Variants in STOML3 observed in about 807,000 individuals in gnomAD.
STOML3 encodes stomatin like 3, also known as stomatin-like protein 3.
STOML3 carries 31 observed loss-of-function variants against 29.5 expected under a neutral mutation model. The ratio of observed to expected loss-of-function variants is 1.05; its 90% CI spans 0.79 to 1.42. The LOEUF is 1.42. Ranked by LOEUF, STOML3 falls within the 40% of genes most tolerant of loss-of-function variation. The pLI, the probability that STOML3 is intolerant of heterozygous loss-of-function variation, is 0.00. For synonymous variants in STOML3, 122 were observed against 139.8 expected, an observed-to-expected ratio of 0.87 and a Z score of 0.90; for missense variants, 380 against 363.0, an observed-to-expected ratio of 1.05 and a Z score of -0.38.
At chr13:38,975,826 G>C (rs530294585) in intron 3 of STOML3, among the ~76,000 whole-genome samples, 35 of 152,056 alleles carry the variant, frequency 2.3e-4, no homozygotes, top group African/African-American at 8.4e-4. Flanking sequence ...AACAAACAAA[G>C]AAATAAAACC....
At chr13:38,990,008 T>C (rs1868936646) in intron 1 of STOML3, among the ~76,000 whole-genome samples, 1 of 152,134 alleles carries the variant, frequency 6.6e-6, no homozygotes, top group Non-Finnish European at 1.5e-5. Context: ...GTTTTCTCAT[T>C]TGTAAAATGA....
intron 1 of STOML3, among the ~76,000 whole-genome samples, chr13:38,982,966 C>A (rs1038486189): frequency 6.6e-6 from 1 of 152,170 alleles, no homozygotes; most frequent in African/African-American, 2.4e-5. Flanking sequence ...CCCTATCTGT[C>A]TGTTACCTTA....
At chr13:38,968,783 A>C (rs1026133570) in intron 5 of STOML3, among the ~76,000 whole-genome samples, 8 of 152,168 alleles carry the variant, frequency 5.3e-5, no homozygotes, top group Non-Finnish European at 1.0e-4. Context: ...GTGGGTGTCT[A>C]TCAGCAGGAT....
chr13:38,971,946 C>CA lies in STOML3; in HGVS notation c.312+565dup, dbSNP rs1217926668. 1.2e-4 allele frequency among the ~76,000 whole-genome samples: 18 copies of CA among 151,878 alleles called. No individual in the cohort carries two copies. The South Asian group carries it at 3.3e-3, about 28-fold the overall frequency. On this transcript the variant is annotated intron_variant, in intron 4 of 6. Coordinates refer to ENST00000379631, the MANE Select transcript of STOML3 (RefSeq NM_145286.3). Reference sequence around the variant, plus strand: ...GTCTCAAAAGAAAAAAACAAACAAACAAAAAAAAGACTTACGCAAAATACA... The same window carrying CA: ...GTCTCAAAAGAAAAAAACAAACAAACAAAAAAAAAGACTTACGCAAAATACA...
intron 5 of STOML3, 88 bp from the exon 6 acceptor site, chr13:38,968,622 T>A (rs937077787): frequency 5.5e-6 from 8 of 1,454,362 alleles, no homozygotes; most frequent in Non-Finnish European, 7.4e-6. Context: ...CAAGATACAT[T>A]TTTCTTTTTT....
intron 1 of STOML3, among the ~76,000 whole-genome samples, chr13:38,978,625 G>T (rs921988904): frequency 6.6e-6 from 1 of 152,150 alleles, no homozygotes; most frequent in Non-Finnish European, 1.5e-5. Flanking sequence ...GTCTATCTCA[G>T]TTAATGCCTT....
intron 1 of STOML3, among the ~76,000 whole-genome samples, chr13:38,986,221 A>C: frequency 6.6e-6 from 1 of 151,438 alleles, no homozygotes; most frequent in East Asian, 1.9e-4. Flanking sequence ...TTTTGGTAGA[A>C]ACAAGGTTTC....
rs139889314 is a variant in STOML3 at position 38,966,937 on chromosome 13, G to A, written c.764C>T (p.Thr255Met). ...CGTAGAATTCTTCTCGGTGGCTACC[G>A]TGCTCAAGGTCTGCAGGTAGCGCAG... ...LQLRYLQTLS[T>M]VATEKNSTIV... The change falls in exon 7 of 7, where the codon ACG becomes ATG. Residue 255 changes from threonine to methionine, a missense_variant. By Grantham distance (81) the Thr-to-Met change is moderately conservative (BLOSUM62 -1). Coordinates refer to ENST00000379631, the MANE Select transcript of STOML3 (RefSeq NM_145286.3). 137 of 1,614,012 alleles carry A rather than the reference G, an allele frequency of 8.5e-5. No individual in the cohort carries two copies. The African/African-American group carries it at 1.4e-3, about 17-fold the overall frequency.
chr13:38,976,820 A>G, intron 1 of STOML3, 23 bp from the exon 2 acceptor site: 2 of 1,592,500 alleles, frequency 1.3e-6, no homozygotes, highest in Non-Finnish European at 8.6e-7. Flanking sequence ...AAGGAAGCAA[A>G]TATGTGATCA....
chr13:38,967,756 C>T (rs1290400210), intron 6 of STOML3, among the ~76,000 whole-genome samples: 1 of 152,144 alleles, frequency 6.6e-6, no homozygotes, highest in Non-Finnish European at 1.5e-5. Context: ...CATCAGCTAA[C>T]AAGTAAGTTT....
chr13:38,988,451 TTATATCATATATTTTA>T (rs1868793531), intron 1 of STOML3, among the ~76,000 whole-genome samples: 1 of 96,674 alleles, frequency 1.0e-5, no homozygotes, highest in African/African-American at 4.5e-5. Context: ...ATATTATATT[TTATATCATATATTTTA>T]TATATAATAT....
intron 1 of STOML3, among the ~76,000 whole-genome samples, chr13:38,980,350 AG>A (rs1380267728): frequency 6.6e-6 from 1 of 152,166 alleles, no homozygotes; most frequent in Non-Finnish European, 1.5e-5. Context: ...GACCACACAG[AG>A]TAACTCTTCC....
chr13:38,967,272 T>C (rs1211180386), intron 6 of STOML3, among the ~76,000 whole-genome samples: 2 of 152,144 alleles, frequency 1.3e-5, no homozygotes, highest in South Asian at 2.1e-4. Flanking sequence ...CGTAGGTCCC[T>C]AGATTTTATC....
At chr13:38,967,229 G>A (rs1880690717) in intron 6 of STOML3, among the ~76,000 whole-genome samples, 180 bp from the exon 7 acceptor site, 1 of 152,104 alleles carries the variant, frequency 6.6e-6, no homozygotes, top group South Asian at 2.1e-4. Flanking sequence ...ATTCAAGGAG[G>A]TTGCAGGAAG....
intron 1 of STOML3, among the ~76,000 whole-genome samples, chr13:38,978,605 G>C (rs1376049007): frequency 6.6e-6 from 1 of 152,006 alleles, no homozygotes; most frequent in African/African-American, 2.4e-5. Context: ...CCCTACAAAC[G>C]CCATATACTG....
chr13:38,982,696 T>G (rs1881309828), intron 1 of STOML3, among the ~76,000 whole-genome samples: 1 of 152,178 alleles, frequency 6.6e-6, no homozygotes, highest in Non-Finnish European at 1.5e-5. Context: ...GCCTTCGCTT[T>G]TTGGTTCCTA....
chr13:38,970,460 C>G, intron 4 of STOML3, 72 bp from the exon 5 acceptor site: 1 of 1,290,980 alleles, frequency 7.7e-7, no homozygotes, highest in Non-Finnish European at 1.1e-6. Flanking sequence ...ACAGCCAGCC[C>G]AAGAGCCATC....
rs1389715896 is a variant in STOML3 at position 38,970,367 on chromosome 13, T to G, written c.334A>C (p.Thr112Pro). ...PQEILTRDSV[T>P]TQVDGVVYYR... ...TAGACAACTCCATCTACCTGAGTAG[T>G]TACGGAGTCTCTGGTGAGGATCTGT... The change falls in exon 5 of 7, where the codon ACT becomes CCT. Residue 112 changes from threonine to proline, a missense_variant. Thr to Pro is a conservative substitution (Grantham distance 38, BLOSUM62 -1). Coordinates refer to ENST00000379631, the MANE Select transcript of STOML3 (RefSeq NM_145286.3). 2 of 1,614,092 alleles carry G rather than the reference T, an allele frequency of 1.2e-6. No homozygotes were observed. The highest frequency in any genetic ancestry group is 2.2e-5 in the South Asian group (2 of 91,084).
intron 6 of STOML3, among the ~76,000 whole-genome samples, chr13:38,967,614 G>A (rs925921125): frequency 2.0e-5 from 3 of 152,308 alleles, no homozygotes; most frequent in African/African-American, 7.2e-5. Flanking sequence ...CTGTCCAGGA[G>A]TGATTCAGCT....
Sources: allele counts gnomAD v4.1 joint callset (sites outside exome capture counted in the v4.1 genomes callset), GRCh38; gene constraint gnomAD v4.1.1; transcripts MANE v1.5; gene names NCBI Gene and HGNC (gene_info 2026-07-23, HGNC 2026-07-21).